Variants in KCNQ1 observed in about 807,000 individuals in gnomAD.
The protein encoded by KCNQ1 is potassium voltage-gated channel subfamily KQT member 1.
A neutral mutation model predicts 72.4 loss-of-function variants in KCNQ1; 49 were observed. The observed-to-expected ratio is 0.68, with a 90% confidence interval of 0.54 to 0.86. KCNQ1 has a LOEUF of 0.86. Among genes scored for constraint, KCNQ1 ranks in the 40% least tolerant of loss-of-function variants. The pLI is 0.00. For synonymous variants in KCNQ1, 450 were observed against 412.6 expected (o/e 1.09, Z -1.10); for missense variants, 790 against 945.1 (o/e 0.84, Z 2.15).
intron 11 of KCNQ1, among the ~76,000 whole-genome samples, chr11:2,706,624 G>T (rs1850915506): frequency 6.6e-6 from 1 of 152,274 alleles, no homozygotes. Context: ...ACCAGGCTTA[G>T]TCTGACCCTT....
chr11:2,531,771 C>T (rs1296783380), intron 2 of KCNQ1, among the ~76,000 whole-genome samples: 1 of 152,220 alleles, frequency 6.6e-6, no homozygotes. Context: ...CTGGCCGCCT[C>T]CCTTGTCCCT....
At chr11:2,728,724 G>A (rs944602157) in intron 11 of KCNQ1, among the ~76,000 whole-genome samples, 3 of 152,204 alleles carry the variant, frequency 2.0e-5, no homozygotes, top group African/African-American at 4.8e-5. Context: ...AAGTCCCTGA[G>A]GGCTCCAGCT....
chr11:2,544,146 A>T lies in KCNQ1; in HGVS notation c.477+16128A>T, dbSNP rs1030814832. ...CTGGTAGAATTTTGTTTGGGATTGC[A>T]TTCAACCTAAAGATCAACATGGGGA... On this transcript the variant is annotated intron_variant, in intron 2 of 15. Coordinates refer to ENST00000155840, the MANE Select transcript of KCNQ1 (RefSeq NM_000218.3). This position sits in a 1 kb window ranked among gnomAD's most constrained non-coding sequence, Gnocchi z 4.4. Among the ~76,000 whole-genome samples the T allele has an allele frequency of 2.0e-5, 3 of 152,112 alleles. No individual in the cohort carries two copies. The highest frequency in any genetic ancestry group is 7.2e-5 in the African/African-American group (3 of 41,424).
At chr11:2,740,589 C>T (rs1417317401) in intron 11 of KCNQ1, among the ~76,000 whole-genome samples, 2 of 152,292 alleles carry the variant, frequency 1.3e-5, no homozygotes, top group East Asian at 3.9e-4. Flanking sequence ...TCTGGAGGGG[C>T]CTGGGTTAGT....
intron 7 of KCNQ1, among the ~76,000 whole-genome samples, chr11:2,584,339 TAGTG>T (rs1156568045): frequency 6.6e-6 from 1 of 152,068 alleles, no homozygotes; most frequent in Non-Finnish European, 1.5e-5. Context: ...GTTTGTGTGT[TAGTG>T]TGGGTTAGTG....
At chr11:2,740,099 G>A (rs977808624) in intron 11 of KCNQ1, among the ~76,000 whole-genome samples, 18 of 152,180 alleles carry the variant, frequency 1.2e-4, no homozygotes, top group African/African-American at 3.9e-4. Context: ...CCTGCATGGC[G>A]CCCAGGGTGC....
rs567182858 is a variant in KCNQ1, at chr11:2,785,544, C to T, written c.1794+7507C>T. 1.3e-5 allele frequency among the ~76,000 whole-genome samples: 2 copies of T among 151,606 alleles called. No individual in the cohort carries two copies. The highest frequency in any genetic ancestry group is 3.0e-5 in the Non-Finnish European group (2 of 67,742). On this transcript the variant is annotated intron_variant, in intron 15 of 15. Coordinates refer to ENST00000155840, the MANE Select transcript of KCNQ1 (RefSeq NM_000218.3). The surrounding 1 kb of genome is among the most constrained non-coding windows in gnomAD (Gnocchi z 4.4). ...AATCCTTTTCTTTTTAATCCTACAA[C>T]CGTAGGATTTCAGGTTTGTCTTTTG...
chr11:2,529,855 G>A (rs1337376100), intron 2 of KCNQ1, among the ~76,000 whole-genome samples: 2 of 152,134 alleles, frequency 1.3e-5, no homozygotes, highest in Non-Finnish European at 2.9e-5. Flanking sequence ...CGGGGGGTGC[G>A]CACCTCCCGT....
chr11:2,580,704 C>T lies in KCNQ1; in HGVS notation c.922-2731C>T, dbSNP rs144512820. 2.6e-3 allele frequency among the ~76,000 whole-genome samples: 396 copies of T among 152,322 alleles called. 5 individuals carry two copies. The Middle Eastern group carries it at 0.044, about 17-fold the overall frequency. On this transcript the variant is annotated intron_variant, in intron 6 of 15. Transcript: ENST00000155840. ...GGAACACAGACAGCCCTGTCCTGGACGCAGCCCTTCAACCCTGCTTCTCAT... is the reference window on the plus strand; with the variant it reads ...GGAACACAGACAGCCCTGTCCTGGATGCAGCCCTTCAACCCTGCTTCTCAT...
At chr11:2,756,712 A>C (rs1846304142) in intron 11 of KCNQ1, among the ~76,000 whole-genome samples, 1 of 152,024 alleles carries the variant, frequency 6.6e-6, no homozygotes, top group Non-Finnish European at 1.5e-5. Flanking sequence ...TTGGCCTCCC[A>C]AAGTGCTGGA....
At chr11:2,699,545 G>A (rs1417820855) in intron 11 of KCNQ1, 2 of 333,822 alleles carry the variant, frequency 6.0e-6, no homozygotes, top group African/African-American at 2.5e-5. Flanking sequence ...GGCCCAGGGA[G>A]GACCGCGCGG....
intron 15 of KCNQ1, among the ~76,000 whole-genome samples, chr11:2,839,092 A>AGGAAGCTCCTGAGGCCGG (rs1848148528): frequency 1.3e-5 from 2 of 152,116 alleles, no homozygotes; most frequent in South Asian, 4.1e-4. Context: ...GTCTGCCGGC[A>AGGAAGCTCCTGAGGCCGG]GGAAGCTCCT....
At chr11:2,555,856 G>A (rs1848062260) in intron 2 of KCNQ1, among the ~76,000 whole-genome samples, 1 of 152,214 alleles carries the variant, frequency 6.6e-6, no homozygotes, top group African/African-American at 2.4e-5. Flanking sequence ...CTCTTGGAGA[G>A]ACAGGGCCCA....
At chr11:2,581,567 G>A (rs1258836831) in intron 6 of KCNQ1, among the ~76,000 whole-genome samples, 3 of 152,226 alleles carry the variant, frequency 2.0e-5, no homozygotes, top group African/African-American at 4.8e-5. Flanking sequence ...GCAGGGACCT[G>A]GCTGCGCTCC....
rs1465940046 is a variant in KCNQ1 at position 2,565,723 on chromosome 11, ATGTG to A, written c.478-4904_478-4901del. On this transcript the variant is annotated intron_variant, in intron 2 of 15. Coordinates refer to ENST00000155840, the MANE Select transcript of KCNQ1 (RefSeq NM_000218.3). The surrounding 1 kb of genome is among the most constrained non-coding windows in gnomAD (Gnocchi z 5.6). ...GCATACAGTCGAACGAGTGGGTCCGATGTGGAGTGCAGTGGCATCAGCCAAGGCT... is the reference window on the plus strand; with the variant it reads ...GCATACAGTCGAACGAGTGGGTCCGAGAGTGCAGTGGCATCAGCCAAGGCT... 6.6e-6 allele frequency among the ~76,000 whole-genome samples: 1 copy of A among 152,156 alleles called. No homozygotes were observed. The highest frequency in any genetic ancestry group is 1.5e-5 in the Non-Finnish European group (1 of 68,022).
At chr11:2,693,114 A>C (rs1850615566) in intron 11 of KCNQ1, 1 of 398,562 alleles carries the variant, frequency 2.5e-6, no homozygotes, top group Admixed American at 4.4e-5. Context: ...ATTTGCCCCA[A>C]GACTACTTTC....
At chr11:2,453,286 T>A (rs1846141283) in intron 1 of KCNQ1, among the ~76,000 whole-genome samples, 1 of 151,826 alleles carries the variant, frequency 6.6e-6, no homozygotes, top group Non-Finnish European at 1.5e-5. Context: ...GGCAGGAGAA[T>A]CACTTGAACC....
rs1023071919 is a variant in KCNQ1, at chr11:2,563,031, A to T, written c.478-7597A>T. Among the ~76,000 whole-genome samples the T allele has an allele frequency of 6.6e-6, 1 of 152,206 alleles. No homozygotes were observed. Among genetic ancestry groups the T allele is most frequent in the Non-Finnish European group, 1.5e-5 (1 of 68,034 alleles). On this transcript the variant is annotated intron_variant, in intron 2 of 15. Coordinates refer to ENST00000155840, the MANE Select transcript of KCNQ1 (RefSeq NM_000218.3). The surrounding 1 kb of genome is among the most constrained non-coding windows in gnomAD (Gnocchi z 7.4). ...TTTTGCAAAAAAATCTATATATTTC[A>T]TCCAGAGAGACAGGATGTGAGCGCA...
At chr11:2,834,498 C>T (rs1229782892) in intron 15 of KCNQ1, among the ~76,000 whole-genome samples, 4 of 152,230 alleles carry the variant, frequency 2.6e-5, no homozygotes, top group Non-Finnish European at 2.9e-5. Flanking sequence ...CTCTGAGGGT[C>T]TGTCTCCAAG....
Sources: allele counts gnomAD v4.1 joint callset (sites outside exome capture counted in the v4.1 genomes callset), GRCh38; gene constraint gnomAD v4.1.1; non-coding constraint Gnocchi (gnomAD v3.1); transcripts MANE v1.5; gene names NCBI Gene and HGNC (gene_info 2026-07-23, HGNC 2026-07-21).